Variants in PPP4R2 observed in about 807,000 individuals in gnomAD.
The protein encoded by PPP4R2 is serine/threonine-protein phosphatase 4 regulatory subunit 2.
Under a neutral mutation model 47.2 loss-of-function variants are expected in PPP4R2, and 13 were observed. That is an observed-to-expected ratio of 0.28 (90% CI 0.18 to 0.44). PPP4R2 has a LOEUF of 0.44. Ranked by LOEUF, PPP4R2 falls within the 20% of genes least tolerant of loss-of-function variation. The pLI is 1.00. For missense variants in PPP4R2, 421 were observed against 491.2 expected, an observed-to-expected ratio of 0.86 and a Z score of 1.35; for synonymous variants, 151 against 163.3, an observed-to-expected ratio of 0.92 and a Z score of 0.57.
intron 2 of PPP4R2, among the ~76,000 whole-genome samples, chr3:73,013,523 T>C (rs563051826): frequency 3.9e-5 from 6 of 152,384 alleles, no homozygotes; most frequent in African/African-American, 1.4e-4. Flanking sequence ...ACCTATTTCT[T>C]GTATATTCTT....
intron 3 of PPP4R2, among the ~76,000 whole-genome samples, chr3:73,054,131 T>C (rs1417907500): frequency 6.6e-6 from 1 of 152,106 alleles, no homozygotes. Context: ...TTGGCCAGGC[T>C]GGTCTCGAAC....
At chr3:73,010,818 G>A (rs565240252) in intron 2 of PPP4R2, among the ~76,000 whole-genome samples, 2 of 152,162 alleles carry the variant, frequency 1.3e-5, no homozygotes, top group Non-Finnish European at 2.9e-5. Flanking sequence ...GGGATTACAG[G>A]CATGAGCCAC....
At chr3:73,059,170 TA>T in intron 4 of PPP4R2, 40 bp downstream of exon 4, 1 of 989,752 alleles carries the variant, frequency 1.0e-6, no homozygotes, top group Non-Finnish European at 1.5e-6. Flanking sequence ...TGCTGTGGTG[TA>T]ATAGCTTTTA....
chr3:73,031,423 A>G (rs1575861421), intron 2 of PPP4R2, among the ~76,000 whole-genome samples: 1 of 152,052 alleles, frequency 6.6e-6, no homozygotes, highest in East Asian at 1.9e-4. Context: ...TGCACCTGTA[A>G]TCCCAGCTAC....
chr3:73,001,328 C>A (rs896981355), intron 2 of PPP4R2, among the ~76,000 whole-genome samples: 1 of 152,062 alleles, frequency 6.6e-6, no homozygotes, highest in African/African-American at 2.4e-5. Flanking sequence ...GAGGCTGAGG[C>A]AGGTGGCCCA....
At chr3:73,050,628 A>G (rs1285005220) in intron 3 of PPP4R2, among the ~76,000 whole-genome samples, 1 of 152,220 alleles carries the variant, frequency 6.6e-6, no homozygotes, top group Non-Finnish European at 1.5e-5. Flanking sequence ...CTGTTACAGA[A>G]GTACATAAAG....
chr3:73,024,738 A>G (rs1051948346), intron 2 of PPP4R2, among the ~76,000 whole-genome samples: 1 of 151,936 alleles, frequency 6.6e-6, no homozygotes, highest in Admixed American at 6.6e-5. Context: ...AGCATTTAAG[A>G]TTTAGTCCCA....
chr3:73,004,178 T>C (rs1168010755), intron 2 of PPP4R2, among the ~76,000 whole-genome samples: 1 of 132,326 alleles, frequency 7.6e-6, no homozygotes, highest in African/African-American at 2.9e-5. Context: ...CTGTGCCTTT[T>C]ATTCTTTTTT....
At chr3:73,023,296 T>TGTC (rs1559553827) in intron 2 of PPP4R2, among the ~76,000 whole-genome samples, 2 of 151,324 alleles carry the variant, frequency 1.3e-5, no homozygotes, top group African/African-American at 4.9e-5. Flanking sequence ...TTCAAGCAAT[T>TGTC]CTGCCTCAGC....
At chr3:73,023,201 G>A (rs1318250172) in intron 2 of PPP4R2, among the ~76,000 whole-genome samples, 2 of 144,342 alleles carry the variant, frequency 1.4e-5, no homozygotes, top group African/African-American at 2.5e-5. Flanking sequence ...TTTTTTTTTT[G>A]AGATGGAATT....
rs534920355 is a variant in PPP4R2 at position 73,041,022 on chromosome 3, T to C, written c.117-6164T>C. Among the ~76,000 whole-genome samples, 785 of 148,024 alleles carry C rather than the reference T, an allele frequency of 5.3e-3. 7 individuals carry two copies. Among genetic ancestry groups the C allele is most frequent in the African/African-American group, 0.019 (756 of 40,000 alleles). ...TGACTGCAGATTATGGATACATACTTCTATGTCTTTATTATTTCTTATAAT... is the reference window on the plus strand; with the variant it reads ...TGACTGCAGATTATGGATACATACTCCTATGTCTTTATTATTTCTTATAAT... On this transcript the variant is annotated intron_variant, in intron 2 of 8. Transcript: ENST00000356692.
intron 2 of PPP4R2, among the ~76,000 whole-genome samples, chr3:73,007,018 G>C (rs1039919142): frequency 2.0e-5 from 3 of 152,170 alleles, no homozygotes; most frequent in Admixed American, 6.5e-5. Flanking sequence ...CTGCTCTCTA[G>C]TTTGGTCAGC....
intron 2 of PPP4R2, among the ~76,000 whole-genome samples, chr3:73,016,728 T>TCTTTC: frequency 2.4e-5 from 3 of 126,614 alleles, no homozygotes; most frequent in African/African-American, 9.1e-5. Context: ...ATTGGTTCAT[T>TCTTTC]GTTTATTTTT....
intron 2 of PPP4R2, among the ~76,000 whole-genome samples, 190 bp downstream of exon 2, chr3:72,998,348 A>G (rs550170679): frequency 6.6e-6 from 1 of 152,366 alleles, no homozygotes; most frequent in African/African-American, 2.4e-5. Flanking sequence ...CATGGTCTGT[A>G]ACGGATTTTA....
chr3:73,018,685 T>C (rs1365615446), intron 2 of PPP4R2, among the ~76,000 whole-genome samples: 2 of 152,202 alleles, frequency 1.3e-5, no homozygotes, highest in African/African-American at 4.8e-5. Context: ...TGAAGTTCAC[T>C]GAATATGCAG....
At chr3:73,011,227 C>T (rs912657102) in intron 2 of PPP4R2, among the ~76,000 whole-genome samples, 2 of 152,178 alleles carry the variant, frequency 1.3e-5, no homozygotes, top group South Asian at 2.1e-4. Context: ...CGCCTGTAAT[C>T]GCAGCACTTT....
At chr3:73,058,941 G>A (rs4113632) in intron 3 of PPP4R2, 96 bp from the exon 4 acceptor site, 97,757 of 689,496 alleles carry the variant, frequency 0.14, 9,078 homozygotes, top group East Asian at 0.34. Flanking sequence ...TTAATACATG[G>A]GTGACTAGAT....
rs58597470 is a variant in PPP4R2, at chr3:73,016,754, T to TTTTTTTA, written c.116+18596_116+18597insTTTTTTA. ...GTTTATTTTTATTATTTTTTTTTTTTAATACAGAGTCTCACTCTGTCACCC... is the reference window on the plus strand; with the variant it reads ...GTTTATTTTTATTATTTTTTTTTTTTTTTTTTAAATACAGAGTCTCACTCTGTCACCC... On this transcript the variant is annotated intron_variant, in intron 2 of 8. Transcript: ENST00000356692. Among the ~76,000 whole-genome samples, 2 of 133,510 alleles carry TTTTTTTA rather than the reference T, an allele frequency of 1.5e-5. 1 individual carries two copies. Among genetic ancestry groups the TTTTTTTA allele is most frequent in the African/African-American group, 5.4e-5 (2 of 36,812 alleles). 87.6% of individuals were successfully genotyped at this position (133,510 alleles called of 152,430 possible). A position where few individuals can be genotyped will look rare whatever the true frequency, so the allele number is the denominator to read the frequency against.
At chr3:73,005,206 G>A (rs1317125866) in intron 2 of PPP4R2, among the ~76,000 whole-genome samples, 1 of 152,014 alleles carries the variant, frequency 6.6e-6, no homozygotes, top group Non-Finnish European at 1.5e-5. Context: ...CTCCCAAAGT[G>A]TCAGGATTAC....
Sources: gnomAD v4.1 joint callset for allele counts (sites outside exome capture counted in the v4.1 genomes callset) on GRCh38, gnomAD v4.1.1 for gene constraint, MANE v1.5 for transcripts, NCBI Gene and HGNC (gene_info 2026-07-23, HGNC 2026-07-21) for gene names.